SLCO4C1: variants seen among roughly 807,000 people sequenced by gnomAD.
The protein encoded by SLCO4C1 is organic anion transporter M1.
In SLCO4C1, 58 loss-of-function variants were observed where a neutral mutation model predicts 72.1. The ratio of observed to expected loss-of-function variants is 0.80; its 90% CI spans 0.65 to 1.00. The LOEUF (loss-of-function observed/expected upper bound fraction) is 1.00, where lower values mean the gene tolerates loss of function less well. SLCO4C1 is among the 50% of genes least tolerant of loss of function. The probability of loss-of-function intolerance (pLI) is 0.00; values close to 1 mark genes in which losing one functional copy is unlikely to be tolerated. For synonymous variants in SLCO4C1, 297 were observed against 312.5 expected (o/e 0.95, Z 0.52); for missense variants, 898 against 857.9 (o/e 1.05, Z -0.58).
intron 1 of SLCO4C1, among the ~76,000 whole-genome samples, chr5:102,294,456 A>ATT (rs1445000336): frequency 2.0e-5 from 3 of 152,212 alleles, no homozygotes; most frequent in Non-Finnish European, 2.9e-5. Flanking sequence ...TACATTTGAT[A>ATT]ACAATTTTAG....
intron 3 of SLCO4C1, among the ~76,000 whole-genome samples, chr5:102,264,718 A>T (rs1216057018): frequency 6.6e-6 from 1 of 152,004 alleles, no homozygotes; most frequent in Non-Finnish European, 1.5e-5. Context: ...AGAACACCAG[A>T]ATTTATTTCT....
chr5:102,237,169 G>A, intron 12 of SLCO4C1, 151 bp from the exon 13 acceptor site: 2 of 791,080 alleles, frequency 2.5e-6, no homozygotes, highest in Admixed American at 3.4e-5. Context: ...AACATTAAGG[G>A]GAAAGAAAAA....
rs36217271 is a variant in SLCO4C1, at chr5:102,280,090, CAAAAAAAAAAA to C, written c.620-9295_620-9285del. 7.8e-3 allele frequency among the ~76,000 whole-genome samples: 534 copies of C among 68,878 alleles called. 4 individuals are homozygous for C. The highest frequency in any genetic ancestry group is 0.023 in the African/African-American group (388 of 16,662). The allele number at this position is 68,878 out of a possible 152,430, so 45.2% of individuals were successfully genotyped here. ...GGAAGTTCTAACCAGTGCAATAAGG[CAAAAAAAAAAA>C]AAAAAAAAAAAAAAAGAGAAAGAAA... On this transcript the variant is annotated intron_variant, in intron 2 of 12. Coordinates refer to ENST00000310954, the MANE Select transcript of SLCO4C1 (RefSeq NM_180991.5).
intron 2 of SLCO4C1, among the ~76,000 whole-genome samples, chr5:102,271,788 T>A (rs1749157022): frequency 6.6e-6 from 1 of 152,062 alleles, no homozygotes; most frequent in Non-Finnish European, 1.5e-5. Flanking sequence ...CAAACAATGG[T>A]TTTATCTTAG....
chr5:102,260,116 T>TA, intron 6 of SLCO4C1, 97 bp downstream of exon 6: 2 of 283,458 alleles, frequency 7.1e-6, no homozygotes, highest in Middle Eastern at 4.5e-4. Flanking sequence ...ATATATAATA[T>TA]ATAAACACAT....
intron 11 of SLCO4C1, 81 bp downstream of exon 11, chr5:102,240,637 C>A: frequency 8.9e-7 from 1 of 1,120,074 alleles, no homozygotes; most frequent in Admixed American, 2.2e-5. Context: ...TTTTTTGCCA[C>A]AGGCCATAAA....
At chr5:102,256,385 T>C (rs1301558904) in intron 8 of SLCO4C1, among the ~76,000 whole-genome samples, 1 of 152,162 alleles carries the variant, frequency 6.6e-6, no homozygotes, top group African/African-American at 2.4e-5. Context: ...TGTCATATTA[T>C]ACAAAATTAT....
chr5:102,239,431 G>A (rs769155840), intron 11 of SLCO4C1, 43 bp from the exon 12 acceptor site: 1 of 1,385,292 alleles, frequency 7.2e-7, no homozygotes, highest in South Asian at 1.8e-5. Flanking sequence ...AAAGATTACA[G>A]TTTAGAATTA....
chr5:102,260,194 G>C lies in SLCO4C1; in HGVS notation c.1128+19C>G, dbSNP rs562831720. The C allele has an allele frequency of 1.1e-5, 10 of 876,196 alleles. No homozygotes were observed. Among genetic ancestry groups the C allele is most frequent in the Admixed American group, 3.4e-5 (1 of 29,200 alleles). The allele number at this position is 876,196 out of a possible 1,614,324, so 54.3% of individuals were successfully genotyped here. On this transcript the variant is annotated intron_variant, in intron 6 of 12. Coordinates refer to ENST00000310954, the MANE Select transcript of SLCO4C1 (RefSeq NM_180991.5). Reference sequence around the variant, plus strand: ...TGTGTATGAGACTGAGAGAGAGACAGAGAAGAATTTTATTTTACCTTTAGA... The same window carrying C: ...TGTGTATGAGACTGAGAGAGAGACACAGAAGAATTTTATTTTACCTTTAGA...
In SLCO4C1 at chr5:102,253,565, G is replaced by A. The variant is rs563043910; in HGVS notation, c.1469+3550C>T. ...CTCGCACCTGTAATCCCAGCACTTT[G>A]GGAGGCCGAGGCGGGTGGATCACCT... On this transcript the variant is annotated intron_variant, in intron 8 of 12. Coordinates refer to ENST00000310954, the MANE Select transcript of SLCO4C1 (RefSeq NM_180991.5). Among the ~76,000 whole-genome samples, 66 of 152,190 alleles carry A rather than the reference G, an allele frequency of 4.3e-4. 2 individuals are homozygous for A. Among genetic ancestry groups the A allele is most frequent in the Admixed American group, 4.1e-3 (63 of 15,286 alleles).
At chr5:102,239,742 A>G (rs1009821899) in intron 11 of SLCO4C1, among the ~76,000 whole-genome samples, 5 of 152,072 alleles carry the variant, frequency 3.3e-5, no homozygotes, top group Admixed American at 1.3e-4. Context: ...TAAATTATTC[A>G]TGATGCACAA....
intron 12 of SLCO4C1, among the ~76,000 whole-genome samples, chr5:102,237,871 T>C (rs1347502196): frequency 1.3e-5 from 2 of 152,198 alleles, no homozygotes; most frequent in African/African-American, 4.8e-5. Flanking sequence ...TAAGATTCAC[T>C]TCACAAACTT....
Position 102,236,291 on chromosome 5 carries a change from T to C in SLCO4C1, c.*567A>G, listed in dbSNP as rs941450109. ...TGCTTGGAGAAAGGCCAGGCTAGTA[T>C]ACATAAATTTAAAAACAAATTACAT... On this transcript the variant is annotated 3_prime_UTR_variant, in exon 13 of 13. Coordinates refer to ENST00000310954, the MANE Select transcript of SLCO4C1 (RefSeq NM_180991.5). 3.3e-5 allele frequency: 5 copies of C among 152,810 alleles called. No individual in the cohort carries two copies. Among genetic ancestry groups the C allele is most frequent in the African/African-American group, 1.2e-4 (5 of 41,578 alleles). The allele number at this position is 152,810 out of a possible 1,614,324, so 9.5% of individuals were successfully genotyped here. A position where few individuals can be genotyped will look rare whatever the true frequency, so the allele number is the denominator to read the frequency against.
At chr5:102,279,790 G>C (rs1051939431) in intron 2 of SLCO4C1, among the ~76,000 whole-genome samples, 2 of 151,872 alleles carry the variant, frequency 1.3e-5, no homozygotes, top group Admixed American at 1.3e-4. Context: ...GTTAACTACT[G>C]TATTAACAGA....
intron 2 of SLCO4C1, among the ~76,000 whole-genome samples, chr5:102,276,435 A>AT (rs1208054749): frequency 6.6e-6 from 1 of 152,194 alleles, no homozygotes; most frequent in Non-Finnish European, 1.5e-5. Context: ...CAGGGCGACA[A>AT]TTAACCAGCT....
Position 102,252,478 on chromosome 5 carries a change from G to T in SLCO4C1, c.1470-2690C>A, listed in dbSNP as rs529704355. Among the ~76,000 whole-genome samples the T allele has an allele frequency of 3.9e-5, 6 of 152,150 alleles. No homozygotes were observed. The East Asian group carries it at 1.2e-3, about 29-fold the overall frequency. ...ATCAAGTATGATGATAATATCAAGG[G>T]TTGATCACATTCACAAAAGCCATCA... On this transcript the variant is annotated intron_variant, in intron 8 of 12. Coordinates refer to ENST00000310954, the MANE Select transcript of SLCO4C1 (RefSeq NM_180991.5).
chr5:102,268,145 A>AT (rs1031642372), intron 3 of SLCO4C1, among the ~76,000 whole-genome samples: 1 of 151,972 alleles, frequency 6.6e-6, no homozygotes, highest in African/African-American at 2.4e-5. Context: ...TTATTCACTG[A>AT]TTTTCTGCCT....
At chr5:102,261,865 C>G in intron 5 of SLCO4C1, 47 bp downstream of exon 5, 1 of 1,546,402 alleles carries the variant, frequency 6.5e-7, no homozygotes, top group Non-Finnish European at 8.7e-7. Flanking sequence ...TAGCAACTGG[C>G]CTACAATTAA....
chr5:102,247,137 G>A (rs1748649611), intron 10 of SLCO4C1, 115 bp downstream of exon 10: 2 of 666,266 alleles, frequency 3.0e-6, no homozygotes, highest in Non-Finnish European at 4.6e-6. Context: ...GATCTTGTAA[G>A]GGCTGATTGG....
Sources: allele counts gnomAD v4.1 joint callset (sites outside exome capture counted in the v4.1 genomes callset), GRCh38; gene constraint gnomAD v4.1.1; transcripts MANE v1.5; gene names NCBI Gene and HGNC (gene_info 2026-07-23, HGNC 2026-07-21).